The following EIF4E variants were observed in gnomAD, a reference collection of about 807,000 sequenced individuals.
EIF4E encodes the protein eukaryotic translation initiation factor 4E, also known as eIF-4F 25 kDa subunit.
For synonymous variants in EIF4E, 71 were observed against 88.5 expected, an observed-to-expected ratio of 0.80 and a Z score of 1.11; for missense variants, 113 against 265.6, an observed-to-expected ratio of 0.43 and a Z score of 3.99.
At chr4:98,915,505 C>T (rs1715907072) in intron 1 of EIF4E, among the ~76,000 whole-genome samples, 2 of 152,020 alleles carry the variant, frequency 1.3e-5, no homozygotes, top group Admixed American at 1.3e-4. Context: ...CTGCCCATCC[C>T]CTCATGGGCC....
At chr4:98,904,781 C>CA (rs201619475) in intron 1 of EIF4E, among the ~76,000 whole-genome samples, 1,749 of 151,860 alleles carry the variant, frequency 0.012, 11 homozygotes, top group Non-Finnish European at 0.02. Context: ...CAAAACAAAA[C>CA]AAAAAAGGAC....
chr4:98,881,169 A>G (rs1279014175), intron 6 of EIF4E, 27 bp from the exon 7 acceptor site: 2 of 1,607,956 alleles, frequency 1.2e-6, no homozygotes, highest in East Asian at 4.5e-5. Context: ...AAGAAGAAGA[A>G]AAAAGTAGTC....
At chr4:98,886,573 G>A (rs530103664) in intron 5 of EIF4E, 1 of 400,004 alleles carries the variant, frequency 2.5e-6, no homozygotes, top group East Asian at 7.4e-5. Flanking sequence ...AAATTAGCTG[G>A]GCATGGTGGC....
chr4:98,882,696 T>C (rs1723749049), intron 6 of EIF4E, among the ~76,000 whole-genome samples: 1 of 151,992 alleles, frequency 6.6e-6, no homozygotes, highest in African/African-American at 2.4e-5. Context: ...GCAAGACCAT[T>C]GAGTCATGCA....
chr4:98,892,335 A>ACC (rs1553931606), intron 2 of EIF4E, among the ~76,000 whole-genome samples: 2 of 88,586 alleles, frequency 2.3e-5, no homozygotes, highest in Admixed American at 1.1e-4. Context: ...AAACAAAAAA[A>ACC]CAAACAAAAA....
intron 1 of EIF4E, among the ~76,000 whole-genome samples, chr4:98,912,667 A>G (rs1400824144): frequency 6.6e-6 from 1 of 152,190 alleles, no homozygotes; most frequent in Non-Finnish European, 1.5e-5. Context: ...CTAAAATGGC[A>G]TTACAACCAG....
intron 1 of EIF4E, among the ~76,000 whole-genome samples, chr4:98,904,708 T>C (rs1724793182): frequency 6.6e-6 from 1 of 152,138 alleles, no homozygotes; most frequent in African/African-American, 2.4e-5. Context: ...GAGGCAGAGA[T>C]TGCAGTGAGC....
chr4:98,892,787 A>T (rs1724210234), intron 2 of EIF4E, among the ~76,000 whole-genome samples: 1 of 152,184 alleles, frequency 6.6e-6, no homozygotes, highest in Non-Finnish European at 1.5e-5. Flanking sequence ...GGAAACTATT[A>T]AATGTGATTC....
intron 1 of EIF4E, among the ~76,000 whole-genome samples, chr4:98,917,422 C>T (rs1725435795): frequency 6.6e-6 from 1 of 151,928 alleles, no homozygotes; most frequent in Non-Finnish European, 1.5e-5. Flanking sequence ...ATGATCATGC[C>T]CACTGGTTTC....
At chr4:98,904,308 A>C (rs1724770961) in intron 1 of EIF4E, among the ~76,000 whole-genome samples, 1 of 152,180 alleles carries the variant, frequency 6.6e-6, no homozygotes, top group Admixed American at 6.5e-5. Context: ...AAGAAAGAAA[A>C]AGAAACAATC....
chr4:98,902,054 C>T (rs1724675052), intron 1 of EIF4E, 72 bp from the exon 2 acceptor site: 1 of 1,412,782 alleles, frequency 7.1e-7, no homozygotes, highest in African/African-American at 1.4e-5. Flanking sequence ...TCTAACTAAA[C>T]CTGAACTGAT....
At chr4:98,885,925 T>C (rs1723898015) in intron 5 of EIF4E, among the ~76,000 whole-genome samples, 1 of 152,184 alleles carries the variant, frequency 6.6e-6, no homozygotes, top group Non-Finnish European at 1.5e-5. Flanking sequence ...GACTTTTTAA[T>C]GTGGAATTCA....
intron 6 of EIF4E, among the ~76,000 whole-genome samples, chr4:98,884,332 T>C (rs915382321): frequency 2.0e-5 from 3 of 152,126 alleles, no homozygotes; most frequent in Non-Finnish European, 4.4e-5. Context: ...GAATAAAAAA[T>C]GCTACATGCC....
At chr4:98,890,007 T>C (rs192287044) in intron 3 of EIF4E, among the ~76,000 whole-genome samples, 1 of 152,326 alleles carries the variant, frequency 6.6e-6, no homozygotes, top group Admixed American at 6.5e-5. Flanking sequence ...TAAGTGTCAA[T>C]GCTTTTAATA....
intron 1 of EIF4E, among the ~76,000 whole-genome samples, chr4:98,913,871 C>T (rs1420714964): frequency 1.3e-5 from 2 of 151,968 alleles, no homozygotes; most frequent in African/African-American, 4.8e-5. Context: ...AAAATAAAAA[C>T]ATCTACATTC....
rs933945837 is a variant in EIF4E at position 98,924,362 on chromosome 4, C to T, written c.18+4733G>A. On this transcript the variant is annotated intron_variant, in intron 1 of 6. Transcript: ENST00000450253. Reference sequence around the variant, plus strand: ...AAAGTGCTGGGATTACAGGCATGAGCCACCGCACCCGGCCCATATTCTTAA... The same window carrying T: ...AAAGTGCTGGGATTACAGGCATGAGTCACCGCACCCGGCCCATATTCTTAA... Among the ~76,000 whole-genome samples the T allele has an allele frequency of 2.0e-5, 3 of 152,066 alleles. No individual in the cohort carries two copies. The South Asian group carries it at 6.2e-4, about 32-fold the overall frequency.
chr4:98,906,492 C>G (rs1724879207), intron 1 of EIF4E, among the ~76,000 whole-genome samples: 1 of 152,122 alleles, frequency 6.6e-6, no homozygotes, highest in African/African-American at 2.4e-5. Flanking sequence ...TCATCTTTAT[C>G]ATTTTACAAA....
At chr4:98,917,104 A>G (rs1297844852) in intron 1 of EIF4E, among the ~76,000 whole-genome samples, 3 of 74,366 alleles carry the variant, frequency 4.0e-5, no homozygotes, top group Non-Finnish European at 6.8e-5. Context: ...ACACACACAC[A>G]CACACACACA....
intron 1 of EIF4E, among the ~76,000 whole-genome samples, chr4:98,922,142 C>T (rs72905075): frequency 0.067 from 10,269 of 152,208 alleles, 1,137 homozygotes; most frequent in African/African-American, 0.23. Flanking sequence ...AAGAGTGCAA[C>T]GGTTAAGAAT....
Sources: gnomAD v4.1 joint callset for allele counts (sites outside exome capture counted in the v4.1 genomes callset) on GRCh38, gnomAD v4.1.1 for gene constraint, MANE v1.5 for transcripts, NCBI Gene and HGNC (gene_info 2026-07-23, HGNC 2026-07-21) for gene names.